The following TRIM2 variants were observed in gnomAD, a reference collection of about 807,000 sequenced individuals.
The protein encoded by TRIM2 is tripartite motif-containing protein 2.
In TRIM2, 20 loss-of-function variants were observed where a neutral mutation model predicts 75.2. That is an observed-to-expected ratio of 0.27 (90% CI 0.19 to 0.39). TRIM2 has a LOEUF of 0.39. TRIM2 is among the 10% of genes least tolerant of loss of function. The pLI is 1.00. For missense variants in TRIM2, 660 were observed against 990.8 expected (o/e 0.67, Z 4.48); for synonymous variants, 373 against 388.3 (o/e 0.96, Z 0.46).
At chr4:153,308,854 C>T in intron 6 of TRIM2, 1 of 365,084 alleles carries the variant, frequency 2.7e-6, no homozygotes. Context: ...TCCCCTGCCC[C>T]ACCTCTGCAA....
intron 1 of TRIM2, among the ~76,000 whole-genome samples, chr4:153,270,075 T>C (rs1192160494): frequency 5.7e-4 from 86 of 151,996 alleles, no homozygotes; most frequent in Non-Finnish European, 1.2e-3. Context: ...GCAACAGGCG[T>C]GTGCCACCAC....
chr4:153,307,042 T>C (rs1368301013), intron 6 of TRIM2, among the ~76,000 whole-genome samples: 6 of 152,254 alleles, frequency 3.9e-5, no homozygotes, highest in Admixed American at 3.3e-4. Flanking sequence ...AAAACTTAAG[T>C]GTATGCCCAC....
chr4:153,222,062 A>AGAGAGGGAGCGAGGG (rs1447698154), intron 1 of TRIM2, among the ~76,000 whole-genome samples: 1 of 147,926 alleles, frequency 6.8e-6, no homozygotes, highest in South Asian at 2.2e-4. Flanking sequence ...GGGAGGAAGG[A>AGAGAGGGAGCGAGGG]AGGAAGGAAA....
At chr4:153,296,613 G>A (rs765144338) in intron 6 of TRIM2, among the ~76,000 whole-genome samples, 1 of 152,226 alleles carries the variant, frequency 6.6e-6, no homozygotes, top group Non-Finnish European at 1.5e-5. Flanking sequence ...GTGGAAACTT[G>A]GAGAAAGAAT....
At position 153,290,470 on chromosome 4, in the gene TRIM2, C is replaced by T. The variant is rs147337867; in HGVS notation, c.454-2512C>T. ...CCCCTTAGCTCATATTGCCCCTCAG[C>T]GAATAATTATTGAACAGCTTCTATA... On this transcript the variant is annotated intron_variant, in intron 3 of 11. Transcript: ENST00000338700. Among the ~76,000 whole-genome samples the T allele has an allele frequency of 2.7e-3, 416 of 152,198 alleles. 2 individuals are homozygous for T. Among genetic ancestry groups the T allele is most frequent in the African/African-American group, 9.4e-3 (390 of 41,514 alleles).
chr4:153,195,165 A>AG (rs1186879908), intron 1 of TRIM2, among the ~76,000 whole-genome samples: 2 of 152,188 alleles, frequency 1.3e-5, no homozygotes, highest in African/African-American at 4.8e-5. Context: ...GACACCATAG[A>AG]GGGAAGGCCA....
At chr4:153,302,990 G>T (rs756534522) in intron 6 of TRIM2, among the ~76,000 whole-genome samples, 2 of 152,168 alleles carry the variant, frequency 1.3e-5, no homozygotes, top group Non-Finnish European at 2.9e-5. Flanking sequence ...CGTCATGCTC[G>T]TTTGGAGGCC....
chr4:153,180,860 C>T (rs75682995), intron 1 of TRIM2, among the ~76,000 whole-genome samples: 40,207 of 152,200 alleles, frequency 0.26, 5,725 homozygotes, highest in South Asian at 0.36. Flanking sequence ...CAGAGCACTC[C>T]ATCCACCCAT....
At chr4:153,218,811 A>G (rs181461572) in intron 1 of TRIM2, among the ~76,000 whole-genome samples, 2 of 152,222 alleles carry the variant, frequency 1.3e-5, no homozygotes, top group East Asian at 1.9e-4. Context: ...GAAATTGTAA[A>G]TTTTTAGGCA....
At chr4:153,253,005 T>C (rs1421372882) in intron 1 of TRIM2, among the ~76,000 whole-genome samples, 1 of 152,194 alleles carries the variant, frequency 6.6e-6, no homozygotes. Context: ...TAAGGGTTAG[T>C]GAATTAAAGG....
intron 1 of TRIM2, among the ~76,000 whole-genome samples, chr4:153,177,262 G>A (rs1390243855): frequency 6.6e-6 from 1 of 152,312 alleles, no homozygotes; most frequent in Non-Finnish European, 1.5e-5. Flanking sequence ...GTATTTTCAC[G>A]TACACCCCAT....
intron 1 of TRIM2, among the ~76,000 whole-genome samples, chr4:153,193,769 G>A (rs752113499): frequency 6.6e-6 from 1 of 152,104 alleles, no homozygotes; most frequent in Non-Finnish European, 1.5e-5. Context: ...ACACAAAATT[G>A]GACAGATTTG....
rs776899570 is a variant in TRIM2, at chr4:153,315,932, G to A, written c.1715G>A (p.Gly572Glu). 4.3e-6 allele frequency: 7 copies of A among 1,610,526 alleles called. No individual in the cohort carries two copies. The South Asian group carries it at 6.6e-5, about 15-fold the overall frequency. ...ACAGGAGTGGCTGTACATCCCAGTG[G>A]GGACATAATCATTGCCGATTATGAT... The part of the protein sequence containing the change: ...RPTGVAVHPS[G>E]DIIIADYDNK... The change falls in exon 8 of 12, where the codon GGG (glycine) becomes GAG (glutamate). Residue 572 changes from glycine (G) to glutamate (E), a missense_variant. Physicochemically the swap from Gly to Glu is moderately conservative, Grantham distance 98 (BLOSUM62 -2). This residue lies in a region of TRIM2 where 620 missense variants were observed against 891.0 expected (regional missense o/e 0.70). Coordinates refer to ENST00000338700, the MANE Select transcript of TRIM2 (RefSeq NM_015271.5).
At chr4:153,181,334 G>A (rs1049864432) in intron 1 of TRIM2, among the ~76,000 whole-genome samples, 1 of 151,920 alleles carries the variant, frequency 6.6e-6, no homozygotes, top group Non-Finnish European at 1.5e-5. Flanking sequence ...GGCAGGAAAC[G>A]AAGACAGTTC....
intron 1 of TRIM2, among the ~76,000 whole-genome samples, chr4:153,166,933 G>A (rs1470427530): frequency 6.6e-6 from 1 of 152,180 alleles, no homozygotes; most frequent in Admixed American, 6.5e-5. Flanking sequence ...GGAGACCTCA[G>A]ATTAAATTTC....
chr4:153,300,067 C>T (rs78933841), intron 6 of TRIM2, among the ~76,000 whole-genome samples: 1,912 of 152,240 alleles, frequency 0.013, 48 homozygotes, highest in African/African-American at 0.044. Context: ...TATTTCTTTG[C>T]GGCACCGAAA....
At position 153,260,362 on chromosome 4, in the gene TRIM2, A is replaced by G. The variant is rs188667131; in HGVS notation, c.31-9973A>G. On this transcript the variant is annotated intron_variant, in intron 1 of 11. Transcript: ENST00000338700. ...GAGATGAATGTCTATTAGCCTGACC[A>G]CTTAACATTCCACCACACAGACGCA... is the stretch of plus-strand genomic sequence containing the variant. Among the ~76,000 whole-genome samples the G allele has an allele frequency of 1.2e-4, 19 of 152,190 alleles. No homozygotes were observed. In the East Asian group the frequency reaches 3.7e-3, roughly 29 times the overall value.
At position 153,335,520 on chromosome 4, in the gene TRIM2, A is replaced by G; in HGVS notation, c.*554A>G. The stretch of plus-strand genomic sequence containing the variant: ...TAAGGCTGTCTTGCAAAATGATCCC[A>G]GCTCTGATTAGCAGCCCTCTGGAGT... On this transcript the variant is annotated 3_prime_UTR_variant, in exon 12 of 12. Transcript: ENST00000338700. 1 of 985,464 alleles carries G rather than the reference A, an allele frequency of 1.0e-6. No individual in the cohort carries two copies. The highest frequency in any genetic ancestry group is 1.2e-6 in the Non-Finnish European group (1 of 829,936). The allele number at this position is 985,464 out of a possible 1,614,324, so 61.0% of individuals were successfully genotyped here.
intron 1 of TRIM2, among the ~76,000 whole-genome samples, chr4:153,195,904 A>G (rs942035464): frequency 1.3e-5 from 2 of 152,120 alleles, no homozygotes; most frequent in Non-Finnish European, 2.9e-5. Context: ...CTCCGCCTCC[A>G]AGATTCAAGC....
Sources: gnomAD v4.1 joint callset for allele counts (sites outside exome capture counted in the v4.1 genomes callset) on GRCh38, gnomAD v4.1.1 for gene constraint, gnomAD v4.1.1 regional missense constraint, MANE v1.5 for transcripts, NCBI Gene and HGNC (gene_info 2026-07-23, HGNC 2026-07-21) for gene names.